The following CADM2 variants were observed in gnomAD, a reference collection of about 807,000 sequenced individuals.
CADM2 encodes the protein cell adhesion molecule 2, also known as immunoglobulin superfamily member 4D.
CADM2 carries 12 observed loss-of-function variants against 49.8 expected under a neutral mutation model. The ratio of observed to expected loss-of-function variants is 0.24; its 90% CI spans 0.15 to 0.39. CADM2 has a LOEUF of 0.39. CADM2 is among the 10% of genes least tolerant of loss of function. The probability of loss-of-function intolerance (pLI) is 1.00; values close to 1 mark genes in which losing one functional copy is unlikely to be tolerated. For missense variants in CADM2, 378 were observed against 492.3 expected (o/e 0.77, Z 2.20); for synonymous variants, 214 against 175.4 (o/e 1.22, Z -1.74).
chr3:86,008,777 A>T (rs749635340), intron 8 of CADM2, among the ~76,000 whole-genome samples: 5 of 152,008 alleles, frequency 3.3e-5, no homozygotes, highest in Admixed American at 6.5e-5. Flanking sequence ...TAATAAGGTT[A>T]TCTTCTCTCA....
At chr3:85,606,871 G>A (rs2063553505) in intron 1 of CADM2, among the ~76,000 whole-genome samples, 1 of 152,062 alleles carries the variant, frequency 6.6e-6, no homozygotes, top group African/African-American at 2.4e-5. Context: ...TATTGGAAGT[G>A]AAGCATATTT....
At chr3:85,765,956 G>C (rs2069634606) in intron 2 of CADM2, among the ~76,000 whole-genome samples, 1 of 152,046 alleles carries the variant, frequency 6.6e-6, no homozygotes, top group African/African-American at 2.4e-5. Context: ...TTGAATAAAT[G>C]CCCCTCATAT....
chr3:85,640,992 C>T (rs1177261848), intron 1 of CADM2, among the ~76,000 whole-genome samples: 1 of 152,078 alleles, frequency 6.6e-6, no homozygotes, highest in Admixed American at 6.5e-5. Flanking sequence ...AAACATTATT[C>T]GAAGAGTCAA....
chr3:85,529,984 G>A (rs1003049060), intron 1 of CADM2, among the ~76,000 whole-genome samples: 6 of 152,024 alleles, frequency 3.9e-5, no homozygotes, highest in African/African-American at 1.5e-4. Flanking sequence ...TGCCAATGGG[G>A]TAGTGATATG....
rs886834332 is a variant in CADM2, at chr3:85,716,040, CA to C, written c.62-10479del. On this transcript the variant is annotated intron_variant, in intron 1 of 9. Coordinates refer to ENST00000383699, the MANE Select transcript of CADM2 (RefSeq NM_001167675.2). The stretch of plus-strand genomic sequence containing the variant: ...ATACCCAGTAATGGGATTGCTGGGT[CA>C]AATGGTATTTCTAGTTCTAGATCCT... Among the ~76,000 whole-genome samples, 14 of 152,130 alleles carry C rather than the reference CA, an allele frequency of 9.2e-5. 1 individual carries two copies. Among genetic ancestry groups the C allele is most frequent in the African/African-American group, 3.4e-4 (14 of 41,424 alleles).
chr3:85,336,229 A>C (rs2045075469), intron 1 of CADM2, among the ~76,000 whole-genome samples: 1 of 151,446 alleles, frequency 6.6e-6, no homozygotes, highest in African/African-American at 2.4e-5. Flanking sequence ...TTTTTTAGAA[A>C]TTTGCTTCAA....
intron 8 of CADM2, among the ~76,000 whole-genome samples, chr3:85,963,478 T>C (rs1725091269): frequency 6.6e-6 from 1 of 151,862 alleles, no homozygotes; most frequent in African/African-American, 2.4e-5. Flanking sequence ...GATGTTTAGA[T>C]CATGCAGTCA....
chr3:85,062,486 C>T (rs1180226576), intron 1 of CADM2, among the ~76,000 whole-genome samples: 1 of 151,600 alleles, frequency 6.6e-6, no homozygotes, highest in Non-Finnish European at 1.5e-5. Context: ...TTAAGAGAAC[C>T]TGGAAAGACT....
intron 1 of CADM2, among the ~76,000 whole-genome samples, chr3:85,070,822 T>C (rs1415493417): frequency 6.6e-6 from 1 of 151,740 alleles, no homozygotes; most frequent in East Asian, 1.9e-4. Flanking sequence ...GAAATGTCTC[T>C]ACCAAAAATA....
intron 1 of CADM2, among the ~76,000 whole-genome samples, chr3:84,964,510 T>G (rs1435326031): frequency 6.6e-6 from 1 of 152,194 alleles, no homozygotes; most frequent in Non-Finnish European, 1.5e-5. Context: ...AATCCTCATT[T>G]TATTAGACTG....
chr3:85,237,245 A>C (rs559574846), intron 1 of CADM2, among the ~76,000 whole-genome samples: 5 of 152,076 alleles, frequency 3.3e-5, no homozygotes, highest in African/African-American at 1.2e-4. Flanking sequence ...TGGAAGCATG[A>C]GATTAACTTT....
chr3:86,059,679 C>T (rs549712429), intron 8 of CADM2, among the ~76,000 whole-genome samples: 1 of 152,184 alleles, frequency 6.6e-6, no homozygotes, highest in Non-Finnish European at 1.5e-5. Flanking sequence ...TTTCAGAAAG[C>T]TTTACTTCGT....
At chr3:86,031,450 G>T (rs1379193353) in intron 8 of CADM2, among the ~76,000 whole-genome samples, 1 of 151,754 alleles carries the variant, frequency 6.6e-6, no homozygotes, top group East Asian at 1.9e-4. Flanking sequence ...TTTTCATGGT[G>T]TTTTCAAATT....
chr3:85,640,859 T>TTAAATG lies in CADM2; in HGVS notation c.62-85661_62-85660insAATGTA, dbSNP rs5850707. 2.6e-4 allele frequency among the ~76,000 whole-genome samples: 39 copies of TTAAATG among 151,406 alleles called. No individual in the cohort carries two copies. In the South Asian group the frequency reaches 7.9e-3, roughly 31 times the overall value. ...TCTGATCCAAGATGATGACATTAGG[T>TTAAATG]TATATTCTGGAATTTAAGCAAGTCT... On this transcript the variant is annotated intron_variant, in intron 1 of 9. Transcript: ENST00000383699.
At chr3:85,249,746 A>G (rs950483889) in intron 1 of CADM2, among the ~76,000 whole-genome samples, 1 of 151,908 alleles carries the variant, frequency 6.6e-6, no homozygotes, top group African/African-American at 2.4e-5. Flanking sequence ...ATTTGGATTT[A>G]TTATTTGGTA....
intron 3 of CADM2, among the ~76,000 whole-genome samples, chr3:85,855,613 A>G (rs537726761): frequency 0.13 from 7,488 of 56,982 alleles, 754 homozygotes; most frequent in African/African-American, 0.35. Flanking sequence ...ATATATATAT[A>G]TATAAAACAT....
chr3:85,374,002 C>T (rs9866182), intron 1 of CADM2, among the ~76,000 whole-genome samples: 141,279 of 152,214 alleles, frequency 0.93, 65,843 homozygotes, highest in Non-Finnish European at 0.97. Flanking sequence ...TTCCCCATTA[C>T]CTTGGTGATA....
At chr3:85,820,419 G>T (rs542052312) in intron 3 of CADM2, among the ~76,000 whole-genome samples, 1 of 152,278 alleles carries the variant, frequency 6.6e-6, no homozygotes, top group East Asian at 1.9e-4. Flanking sequence ...CCAAGCAAAA[G>T]ATGAAGTTGG....
At chr3:85,804,272 TTATTA>T (rs2072259007) in intron 3 of CADM2, among the ~76,000 whole-genome samples, 1 of 152,108 alleles carries the variant, frequency 6.6e-6, no homozygotes, top group Non-Finnish European at 1.5e-5. Flanking sequence ...ACTAAATATA[TTATTA>T]TATTAGTTAA....
Sources: gnomAD v4.1 joint callset for allele counts (sites outside exome capture counted in the v4.1 genomes callset) on GRCh38, gnomAD v4.1.1 for gene constraint, MANE v1.5 for transcripts, NCBI Gene and HGNC (gene_info 2026-07-23, HGNC 2026-07-21) for gene names.